The following ZNF519 variants were observed in gnomAD, a reference collection of about 807,000 sequenced individuals.
ZNF519 encodes similar to Zinc finger protein 85 (Zinc finger protein HPF4) (HTF1).
Under a neutral mutation model 7.4 loss-of-function variants are expected in ZNF519, and 7 were observed. That is an observed-to-expected ratio of 0.94 (90% CI 0.54 to 1.77). The LOEUF (loss-of-function observed/expected upper bound fraction) is 1.77. Ranked by LOEUF, ZNF519 falls within the 40% of genes most tolerant of loss-of-function variation. The pLI is 0.00. For missense variants in ZNF519, 586 were observed against 623.1 expected (o/e 0.94, Z 0.63); for synonymous variants, 179 against 203.3 (o/e 0.88, Z 1.02).
intron 2 of ZNF519, among the ~76,000 whole-genome samples, chr18:14,093,062 A>G (rs1348226421): frequency 1.3e-5 from 2 of 152,164 alleles, no homozygotes; most frequent in African/African-American, 2.4e-5. Flanking sequence ...TATCACTTTG[A>G]GATGTATATT....
chr18:14,090,491 C>A (rs144443660), intron 2 of ZNF519: 132 of 152,332 alleles, frequency 8.7e-4, no homozygotes, highest in African/African-American at 3.1e-3. Context: ...TAGGAATCAC[C>A]CCATCACAAG....
At position 14,106,277 on chromosome 18, in the gene ZNF519, A is replaced by G. The variant is rs370253031; in HGVS notation, c.263T>C (p.Ile88Thr). The change falls in exon 3 of 3, where the codon ATA becomes ACA. Residue 88 changes from isoleucine (I) to threonine (T), a missense_variant. Coordinates refer to ENST00000590202, the MANE Select transcript of ZNF519 (RefSeq NM_145287.4). The part of the protein sequence containing the change: ...NICLWKNWES[I>T]GEGEGQKECY... ...TTCCTTTTGTCCTTCACCTTCACCT[A>G]TACTTTCCCAGTTTTTCCATAAGCA... is the stretch of plus-strand genomic sequence containing the variant. 17 of 1,612,916 alleles carry G rather than the reference A, an allele frequency of 1.1e-5. No individual in the cohort carries two copies. Among genetic ancestry groups the G allele is most frequent in the Non-Finnish European group, 1.3e-5 (15 of 1,179,848 alleles).
intron 1 of ZNF519, among the ~76,000 whole-genome samples, chr18:14,129,882 G>A (rs1229508629): frequency 1.3e-5 from 2 of 152,084 alleles, no homozygotes; most frequent in Non-Finnish European, 1.5e-5. Context: ...GCAAAGCACT[G>A]TACTTACATA....
Position 14,132,188 on chromosome 18 carries a change from C to A in ZNF519, c.3+87G>T, listed in dbSNP as rs982661542. 29 of 1,517,374 alleles carry A rather than the reference C, an allele frequency of 1.9e-5. No individual in the cohort carries two copies. In the African/African-American group the frequency reaches 3.8e-4, roughly 20 times the overall value. 94.0% of individuals were successfully genotyped at this position (1,517,374 alleles called of 1,614,324 possible). A position where few individuals can be genotyped will look rare whatever the true frequency, so the allele number is the denominator to read the frequency against. Reference sequence around the variant, plus strand: ...TGAGGGCTGAGCTGCAGACTCGACTCGCAGACTAGGTCCCGTCACCGCCAT... The same window carrying A: ...TGAGGGCTGAGCTGCAGACTCGACTAGCAGACTAGGTCCCGTCACCGCCAT... On this transcript the variant is annotated intron_variant, in intron 1 of 2. Transcript: ENST00000590202.
At chr18:14,113,269 A>G (rs2046230598) in intron 2 of ZNF519, among the ~76,000 whole-genome samples, 2 of 152,150 alleles carry the variant, frequency 1.3e-5, no homozygotes, top group African/African-American at 4.8e-5. Context: ...CTCCCATTCT[A>G]TTCAGTCATC....
chr18:14,127,728 A>T (rs1249619033), intron 1 of ZNF519, among the ~76,000 whole-genome samples: 1 of 152,116 alleles, frequency 6.6e-6, no homozygotes, highest in Non-Finnish European at 1.5e-5. Flanking sequence ...GCACTAATGG[A>T]GGTGGACTAC....
At chr18:14,077,801 A>T (rs891999641) in intron 4 of ZNF519, among the ~76,000 whole-genome samples, 1 of 152,170 alleles carries the variant, frequency 6.6e-6, no homozygotes, top group African/African-American at 2.4e-5. Flanking sequence ...CCCTGCTGAA[A>T]ATCTAATTTT....
chr18:14,128,386 G>T (rs186837498), intron 1 of ZNF519, among the ~76,000 whole-genome samples: 1 of 152,236 alleles, frequency 6.6e-6, no homozygotes, highest in African/African-American at 2.4e-5. Context: ...TGCATCACAG[G>T]CAATATACTA....
intron 2 of ZNF519, among the ~76,000 whole-genome samples, chr18:14,088,270 G>T (rs2046099869): frequency 2.0e-5 from 3 of 152,112 alleles, no homozygotes; most frequent in South Asian, 2.1e-4. Flanking sequence ...CCAAAGTAAA[G>T]AATTAGAAAA....
rs1393966118 is a variant in ZNF519 at position 14,102,957 on chromosome 18, A to G, written c.*1960T>C. 1 of 152,066 alleles carries G rather than the reference A, an allele frequency of 6.6e-6. No individual in the cohort carries two copies. The highest frequency in any genetic ancestry group is 2.4e-5 in the African/African-American group (1 of 41,440). The allele number at this position is 152,066 out of a possible 1,614,324, so 9.4% of individuals were successfully genotyped here. ...ACAATTATATAAATTAAAAGATTATATGGAAAGTAATAAGAAAGCAGTAAA... is the reference window on the plus strand; with the variant it reads ...ACAATTATATAAATTAAAAGATTATGTGGAAAGTAATAAGAAAGCAGTAAA... On this transcript the variant is annotated 3_prime_UTR_variant, in exon 3 of 3. Transcript: ENST00000590202.
chr18:14,079,544 G>A (rs2143076696), intron 3 of ZNF519, among the ~76,000 whole-genome samples: 1 of 152,250 alleles, frequency 6.6e-6, no homozygotes, highest in African/African-American at 2.4e-5. Context: ...AAGACAGTGT[G>A]GTATTGATGA....
chr18:14,108,802 T>C (rs1193993238), intron 2 of ZNF519, among the ~76,000 whole-genome samples: 1 of 152,102 alleles, frequency 6.6e-6, no homozygotes, highest in Non-Finnish European at 1.5e-5. Context: ...GTTATCTATA[T>C]AATGAGGGCT....
chr18:14,092,207 T>A (rs186359636), intron 2 of ZNF519, among the ~76,000 whole-genome samples: 2 of 151,950 alleles, frequency 1.3e-5, no homozygotes, highest in African/African-American at 4.8e-5. Flanking sequence ...GACTTGCTGA[T>A]GTCTATGGGT....
chr18:14,132,144 T>G, intron 1 of ZNF519, 131 bp downstream of exon 1: 1 of 1,034,438 alleles, frequency 9.7e-7, no homozygotes, highest in South Asian at 1.3e-5. Flanking sequence ...ACGCCCGGAG[T>G]CCCTGCACCG....
rs1404890338 is a variant in ZNF519, at chr18:14,085,961, C to T, written c.131-885G>A. 1.3e-5 allele frequency among the ~76,000 whole-genome samples: 2 copies of T among 152,182 alleles called. 1 individual carries two copies. Among genetic ancestry groups the T allele is most frequent in the Non-Finnish European group, 2.9e-5 (2 of 68,040 alleles). ...AGTAGTCAGGGCGTATCAGCATGGG[C>T]CTGGGACACACTCCAGGGTTGTGCT... On this transcript the variant is annotated intron_variant and NMD_transcript_variant, in intron 2 of 4. Transcript: ENST00000587419.
intron 1 of ZNF519, among the ~76,000 whole-genome samples, chr18:14,130,010 C>CA (rs987158870): frequency 6.6e-5 from 10 of 152,050 alleles, no homozygotes; most frequent in Non-Finnish European, 1.5e-4. Flanking sequence ...ATAGCTGTGA[C>CA]AAAAAATTCC....
At chr18:14,131,793 C>G (rs1052997420) in intron 1 of ZNF519, among the ~76,000 whole-genome samples, 48 of 152,180 alleles carry the variant, frequency 3.2e-4, no homozygotes, top group African/African-American at 1.1e-3. Flanking sequence ...TTTGCTTCCT[C>G]ACACACCTTA....
intron 2 of ZNF519, among the ~76,000 whole-genome samples, chr18:14,110,489 T>C (rs2046214473): frequency 1.3e-5 from 2 of 151,910 alleles, no homozygotes; most frequent in South Asian, 4.1e-4. Flanking sequence ...CTCAAATAAA[T>C]TAGCCAAATA....
chr18:14,105,954 G>A lies in ZNF519; in HGVS notation c.586C>T (p.Leu196Phe), dbSNP rs1387186982. Residue 196 changes from leucine to phenylalanine, a missense_variant, in exon 3 of 3, where the codon CTT becomes TTT. By Grantham distance (22) the Leu-to-Phe change is conservative (BLOSUM62 0). Coordinates refer to ENST00000590202, the MANE Select transcript of ZNF519 (RefSeq NM_145287.4). ...ATATGGATATTTTCAGGGAAAATAA[G>A]CTTTGAGGATTGGTAAAATACTTTT... ...CEKVFYQSSKLIFPENIHIQK... is the reference protein window; with the variant it reads ...CEKVFYQSSKFIFPENIHIQK... 2 of 1,604,038 alleles carry A rather than the reference G, an allele frequency of 1.2e-6. No individual in the cohort carries two copies. Among genetic ancestry groups the A allele is most frequent in the African/African-American group, 1.3e-5 (1 of 74,472 alleles).
Sources: gnomAD v4.1 joint callset for allele counts (sites outside exome capture counted in the v4.1 genomes callset) on GRCh38, gnomAD v4.1.1 for gene constraint, MANE v1.5 for transcripts, NCBI Gene and HGNC (gene_info 2026-07-23, HGNC 2026-07-21) for gene names.